The following MRO variants were observed in gnomAD, a reference collection of about 807,000 sequenced individuals.
MRO encodes protein maestro.
MRO carries 28 observed loss-of-function variants against 31.0 expected under a neutral mutation model. The ratio of observed to expected loss-of-function variants is 0.90; its 90% CI spans 0.67 to 1.24. The LOEUF (loss-of-function observed/expected upper bound fraction) is 1.24, where lower values mean the gene tolerates loss of function less well. Ranked by LOEUF, MRO falls within the 50% of genes most tolerant of loss-of-function variation. The pLI is 0.00. For synonymous variants in MRO, 108 were observed against 108.4 expected (o/e 1.00, Z 0.02); for missense variants, 332 against 289.2 (o/e 1.15, Z -1.07).
At position 50,796,556 on chromosome 18, in the gene MRO, A is replaced by T. The variant is rs1424703733; in HGVS notation, c.*2781T>A. On this transcript the variant is annotated 3_prime_UTR_variant, in exon 8 of 8. Transcript: ENST00000398439. ...CTAGGCATTGGAGTACAGATAAGAG[A>T]TACACGTGAAATGTGTGTGTGTGTG... 1 of 152,164 alleles carries T rather than the reference A, an allele frequency of 6.6e-6. No individual in the cohort carries two copies. The highest frequency in any genetic ancestry group is 1.5e-5 in the Non-Finnish European group (1 of 68,054). 9.4% of individuals were successfully genotyped at this position (152,164 alleles called of 1,614,324 possible).
At chr18:50,817,823 A>G (rs1915054880) in intron 2 of MRO, among the ~76,000 whole-genome samples, 2 of 152,204 alleles carry the variant, frequency 1.3e-5, no homozygotes, top group Non-Finnish European at 2.9e-5. Flanking sequence ...TAAAAATAAA[A>G]TTAAAATCAC....
In MRO at chr18:50,808,901, G is replaced by T. The variant is rs1003808399; in HGVS notation, c.99+401C>A. Among the ~76,000 whole-genome samples the T allele has an allele frequency of 2.0e-5, 3 of 151,508 alleles. No homozygotes were observed. The East Asian group carries it at 5.9e-4, about 30-fold the overall frequency. ...GCCTGTAATCCCAGCACTTTGGGAG[G>T]CCGAGGCGGGTGGATCATGAGGTCA... On this transcript the variant is annotated intron_variant, in intron 3 of 7. Coordinates refer to ENST00000398439, the MANE Select transcript of MRO (RefSeq NM_031939.6).
chr18:50,815,556 T>C (rs933652027), intron 2 of MRO: 5 of 302,678 alleles, frequency 1.7e-5, no homozygotes, highest in African/African-American at 8.9e-5. Flanking sequence ...GATGGTTACA[T>C]TGAAATTTTG....
intron 3 of MRO, 56 bp from the exon 4 acceptor site, chr18:50,806,906 C>G: frequency 6.5e-7 from 1 of 1,547,584 alleles, no homozygotes; most frequent in Non-Finnish European, 8.9e-7. Context: ...CATACCAATC[C>G]CAACCCCAAT....
intron 5 of MRO, among the ~76,000 whole-genome samples, chr18:50,803,473 C>G (rs1913605470): frequency 6.6e-6 from 1 of 151,554 alleles, no homozygotes; most frequent in African/African-American, 2.4e-5. Flanking sequence ...TGCCACTGTA[C>G]TCCAGCCTGG....
At chr18:50,818,479 G>A (rs1390037466) in intron 2 of MRO, among the ~76,000 whole-genome samples, 1 of 152,168 alleles carries the variant, frequency 6.6e-6, no homozygotes, top group Non-Finnish European at 1.5e-5. Flanking sequence ...TGTGTTCATT[G>A]CCAGGTTGTG....
At chr18:50,815,888 G>C (rs1001633617) in intron 2 of MRO, among the ~76,000 whole-genome samples, 1 of 152,096 alleles carries the variant, frequency 6.6e-6, no homozygotes, top group African/African-American at 2.4e-5. Context: ...ACAAAAATTA[G>C]CTGGGCATGG....
rs763424777 is a variant in MRO, at chr18:50,806,769, T to C, written c.181A>G (p.Ser61Gly). ...FILAERARDP[S>G]AKKRHMAMRN... Reference sequence around the variant, plus strand: ...ATTGCCATGTGACGCTTTTTAGCACTGGGGTCCCGAGCTCTTTCTGCCAAG... The same window carrying C: ...ATTGCCATGTGACGCTTTTTAGCACCGGGGTCCCGAGCTCTTTCTGCCAAG... Residue 61 changes from serine (S) to glycine (G), a missense_variant, in exon 4 of 8, where the codon AGT becomes GGT. Ser to Gly is a moderately conservative substitution (Grantham distance 56). Transcript: ENST00000398439. 24 of 1,614,176 alleles carry C rather than the reference T, an allele frequency of 1.5e-5. No homozygotes were observed. Among genetic ancestry groups the C allele is most frequent in the Non-Finnish European group, 1.9e-5 (23 of 1,180,024 alleles).
upstream of MRO, among the ~76,000 whole-genome samples, chr18:50,822,303 T>TGAGCG (rs1259895959): frequency 6.6e-6 from 1 of 151,560 alleles, no homozygotes; most frequent in Non-Finnish European, 1.5e-5. Context: ...TACATGTGTA[T>TGAGCG]TACAATGTGT....
intron 5 of MRO, among the ~76,000 whole-genome samples, chr18:50,803,438 T>C (rs1281623184): frequency 1.3e-5 from 2 of 151,624 alleles, no homozygotes; most frequent in Non-Finnish European, 2.9e-5. Flanking sequence ...GCCTGGGAGG[T>C]TGAGGCTGCA....
At chr18:50,806,414 C>T (rs1245770999) in intron 4 of MRO, among the ~76,000 whole-genome samples, 7 of 152,192 alleles carry the variant, frequency 4.6e-5, no homozygotes, top group Admixed American at 2.0e-4. Context: ...CTGCCAACAA[C>T]GATGTAAGCG....
chr18:50,802,979 G>A (rs1202218548), intron 5 of MRO, among the ~76,000 whole-genome samples: 1 of 151,510 alleles, frequency 6.6e-6, no homozygotes, highest in African/African-American at 2.4e-5. Context: ...CCCATTCAAA[G>A]CCATACCCTA....
chr18:50,803,977 C>T (rs936973597), intron 5 of MRO, among the ~76,000 whole-genome samples: 2 of 152,224 alleles, frequency 1.3e-5, no homozygotes, highest in Admixed American at 6.5e-5. Context: ...AACGATGTGC[C>T]GGTGCACTTT....
intron 7 of MRO, among the ~76,000 whole-genome samples, chr18:50,799,772 G>A (rs554162699): frequency 3.9e-5 from 6 of 152,292 alleles, no homozygotes; most frequent in East Asian, 3.9e-4. Context: ...TTAGCCGGGT[G>A]TGGTGGTGCA....
intron 5 of MRO, 130 bp from the exon 6 acceptor site, chr18:50,801,634 C>T (rs1913337497): frequency 8.5e-6 from 7 of 828,336 alleles, no homozygotes; most frequent in Non-Finnish European, 1.1e-5. Context: ...AGCCATCGAT[C>T]TTGACTGTAC....
At chr18:50,820,832 C>T (rs1915275617), upstream of MRO, among the ~76,000 whole-genome samples, 1 of 140,844 alleles carries the variant, frequency 7.1e-6, no homozygotes, top group Non-Finnish European at 1.6e-5. Flanking sequence ...TCTAGAAAAC[C>T]CAGGAGATAA....
At chr18:50,808,325 G>A (rs1914131645) in intron 3 of MRO, among the ~76,000 whole-genome samples, 1 of 152,140 alleles carries the variant, frequency 6.6e-6, no homozygotes, top group Non-Finnish European at 1.5e-5. Context: ...ACCATCCTTA[G>A]AAAGGGGCCT....
intron 2 of MRO, 40 bp from the exon 3 acceptor site, chr18:50,809,444 A>T (rs776230662): frequency 7.4e-7 from 1 of 1,355,484 alleles, no homozygotes; most frequent in Admixed American, 1.7e-5. Flanking sequence ...CGCCACAGAC[A>T]CTCATCATCA....
rs1423489099 is a variant in MRO at position 50,795,727 on chromosome 18, G to T, written c.*3610C>A. Reference sequence around the variant, plus strand: ...GACCAAGGTGAGCAGATCACTTGAGGTCAGGAGTTTGAGACCAGCCTGGCC... The same window carrying T: ...GACCAAGGTGAGCAGATCACTTGAGTTCAGGAGTTTGAGACCAGCCTGGCC... On this transcript the variant is annotated 3_prime_UTR_variant, in exon 8 of 8. Transcript: ENST00000398439. 1.3e-5 allele frequency: 2 copies of T among 152,290 alleles called. No homozygotes were observed. Among genetic ancestry groups the T allele is most frequent in the African/African-American group, 4.8e-5 (2 of 41,442 alleles). 9.4% of individuals were successfully genotyped at this position (152,290 alleles called of 1,614,324 possible).
Sources: allele counts gnomAD v4.1 joint callset (sites outside exome capture counted in the v4.1 genomes callset), GRCh38; gene constraint gnomAD v4.1.1; transcripts MANE v1.5; gene names NCBI Gene and HGNC (gene_info 2026-07-23, HGNC 2026-07-21).